Variants in GIPC1 observed in about 807,000 individuals in gnomAD.
GIPC1 encodes the protein PDZ domain-containing protein GIPC1.
In GIPC1, 15 loss-of-function variants were observed where a neutral mutation model predicts 28.5. The ratio of observed to expected loss-of-function variants is 0.53; its 90% CI spans 0.35 to 0.81. GIPC1 has a LOEUF of 0.81. Among genes scored for constraint, GIPC1 ranks in the 30% least tolerant of loss-of-function variants. The pLI, the probability that GIPC1 is intolerant of heterozygous loss-of-function variation, is 0.01. For missense variants in GIPC1, 439 were observed against 481.9 expected, an observed-to-expected ratio of 0.91 and a Z score of 0.83; for synonymous variants, 224 against 206.1, an observed-to-expected ratio of 1.09 and a Z score of -0.74.
chr19:14,478,665 C>G lies in GIPC1; in HGVS notation c.850+19G>C. The G allele has an allele frequency of 6.2e-7, 1 of 1,612,932 alleles. No homozygotes were observed. Among genetic ancestry groups the G allele is most frequent in the Admixed American group, 1.7e-5 (1 of 59,988 alleles). On this transcript the variant is annotated intron_variant, in intron 8 of 8. Coordinates refer to ENST00000393033, the MANE Select transcript of GIPC1 (RefSeq NM_005716.4). The surrounding 1 kb of genome is among the most constrained non-coding windows in gnomAD (Gnocchi z 5.2). ...CCAGCAGACCTAGATGCCCCCTCCC[C>G]CAGGCAGCCCTCACTCACCCAGCTC...
At chr19:14,485,725 A>AGAGAGAGAGAGAGAGAGAGAGG (rs1555721820) in intron 3 of GIPC1, among the ~76,000 whole-genome samples, 43 of 141,192 alleles carry the variant, frequency 3.0e-4, no homozygotes, top group African/African-American at 5.5e-4. Context: ...AGAGAGAGAG[A>AGAGAGAGAGAGAGAGAGAGAGG]GAGAGAGAGA....
intron 3 of GIPC1, among the ~76,000 whole-genome samples, chr19:14,488,295 A>G (rs1203999956): frequency 6.6e-6 from 1 of 152,058 alleles, no homozygotes; most frequent in Non-Finnish European, 1.5e-5. Context: ...TACTAAAAAT[A>G]CAATACACAG....
At chr19:14,483,164 GTAA>G (rs2071769377) in intron 3 of GIPC1, 158 bp from the exon 4 acceptor site, 1 of 590,358 alleles carries the variant, frequency 1.7e-6, no homozygotes, top group Non-Finnish European at 3.0e-6. Flanking sequence ...TTATATAAAA[GTAA>G]TAATAGGGCT....
At chr19:14,484,834 C>CA (rs2071801768) in intron 3 of GIPC1, among the ~76,000 whole-genome samples, 1 of 151,886 alleles carries the variant, frequency 6.6e-6, no homozygotes, top group Non-Finnish European at 1.5e-5. Context: ...CTCCTAGACT[C>CA]AAGCAATCCT....
intron 3 of GIPC1, among the ~76,000 whole-genome samples, chr19:14,486,158 T>G (rs1253981043): frequency 1.3e-5 from 2 of 152,116 alleles, no homozygotes; most frequent in African/African-American, 4.8e-5. Flanking sequence ...GCATGACAGG[T>G]ATGGGCCACC....
intron 3 of GIPC1, among the ~76,000 whole-genome samples, chr19:14,483,831 TTGTG>T (rs1292399969): frequency 6.6e-6 from 1 of 151,530 alleles, no homozygotes; most frequent in Admixed American, 6.6e-5. Flanking sequence ...GTGACCTTCC[TTGTG>T]TGTTTCATTT....
chr19:14,478,567 G>C lies in GIPC1; in HGVS notation c.851C>G (p.Ala284Gly). 1 of 1,613,884 alleles carries C rather than the reference G, an allele frequency of 6.2e-7. No homozygotes were observed. Among genetic ancestry groups the C allele is most frequent in the Non-Finnish European group, 8.5e-7 (1 of 1,179,878 alleles). The stretch of plus-strand genomic sequence containing the variant: ...CTTTCCCAGCTCCACCATGGTGGCC[G>C]CTATTGGGGGAGGGGTCAGAACGGA... ...SYMGIRDTELAATMVELGKDK... is the reference protein window; with the variant it reads ...SYMGIRDTELGATMVELGKDK... Residue 284 changes from alanine to glycine, a missense_variant and splice_region_variant, in exon 9 of 9, where the codon GCG becomes GGG. Coordinates refer to ENST00000393033, the MANE Select transcript of GIPC1 (RefSeq NM_005716.4). This position sits in a 1 kb window ranked among gnomAD's most constrained non-coding sequence, Gnocchi z 5.2.
In GIPC1 at chr19:14,492,895, G is replaced by A. The variant is rs1034777400; in HGVS notation, c.-157C>T. ...GGGGGGCAAGTCACTTCACATCACA[G>A]GGCCTCAGTTTCTTCATCTGAAAAA... On this transcript the variant is annotated 5_prime_UTR_variant, in exon 2 of 9. Transcript: ENST00000393033. 1 of 152,292 alleles carries A rather than the reference G, an allele frequency of 6.6e-6. No individual in the cohort carries two copies. Among genetic ancestry groups the A allele is most frequent in the Non-Finnish European group, 1.5e-5 (1 of 68,090 alleles). The allele number at this position is 152,292 out of a possible 1,614,324, so 9.4% of individuals were successfully genotyped here. A position where few individuals can be genotyped will look rare whatever the true frequency, so the allele number is the denominator to read the frequency against.
intron 3 of GIPC1, among the ~76,000 whole-genome samples, chr19:14,487,802 G>C (rs2071879961): frequency 6.8e-6 from 1 of 146,438 alleles, no homozygotes; most frequent in African/African-American, 2.6e-5. Flanking sequence ...CCAGCCTCTT[G>C]AGTAGCTGGG....
intron 3 of GIPC1, among the ~76,000 whole-genome samples, chr19:14,488,407 C>T (rs1187808): frequency 0.22 from 33,546 of 151,752 alleles, 4,094 homozygotes; most frequent in Middle Eastern, 0.32. Flanking sequence ...GCCGAGATCA[C>T]ACCACTGCAC....
Position 14,480,440 on chromosome 19 carries a change from C to G in GIPC1, c.520G>C (p.Val174Leu). ...SVIDHIHLIS[V>L]GDMIEAINGQ... ...TTAATGGCCTCGATCATGTCGCCCA[C>G]GCTGATGAGGTGGATGTGGTCGATC... Residue 174 changes from valine to leucine, a missense_variant, in exon 6 of 9, where the codon GTG (valine) becomes CTG (leucine). Coordinates refer to ENST00000393033, the MANE Select transcript of GIPC1 (RefSeq NM_005716.4). 6.2e-7 allele frequency: 1 copy of G among 1,613,862 alleles called. No homozygotes were observed. The highest frequency in any genetic ancestry group is 8.5e-7 in the Non-Finnish European group (1 of 1,179,894).
In GIPC1 at chr19:14,480,695, G is replaced by A. The variant is rs772757750; in HGVS notation, c.372C>T (p.Phe124=). Residue 124 remains phenylalanine (F), a synonymous_variant, in exon 5 of 9, where the codon TTC becomes TTT. Coordinates refer to ENST00000393033, the MANE Select transcript of GIPC1 (RefSeq NM_005716.4). ...GGQIGLEDFI[F]AHVKGQRKEV... ...CCTTGCGCTGCCCCTTCACGTGGGC[G>A]AAGATGAAGTCCTCCAGCCCGATCT... 5.0e-6 allele frequency: 8 copies of A among 1,613,976 alleles called. No individual in the cohort carries two copies. The highest frequency in any genetic ancestry group is 2.2e-5 in the East Asian group (1 of 44,890).
At chr19:14,479,124 C>T (rs566768255) in intron 7 of GIPC1, among the ~76,000 whole-genome samples, 1 of 152,308 alleles carries the variant, frequency 6.6e-6, no homozygotes, top group South Asian at 2.1e-4. Flanking sequence ...GAGGCTGGAT[C>T]ACCTGATGTC....
At position 14,482,899 on chromosome 19, in the gene GIPC1, C is replaced by A. The variant is rs189214461; in HGVS notation, c.78G>T (p.Gly26=). 4 of 1,600,210 alleles carry A rather than the reference C, an allele frequency of 2.5e-6. No homozygotes were observed. The African/African-American group carries it at 4.0e-5, about 16-fold the overall frequency. ...ENEEAEPGRG[G]LGVGEPGPLG... ...GAGGCCCTGGCTCCCCCACGCCCAGCCCTCCACGGCCTGGCTCAGCCTCCT... is the reference window on the plus strand; with the variant it reads ...GAGGCCCTGGCTCCCCCACGCCCAGACCTCCACGGCCTGGCTCAGCCTCCT... Residue 26 remains glycine (G), a synonymous_variant, in exon 4 of 9, where the codon GGG becomes GGT. Coordinates refer to ENST00000393033, the MANE Select transcript of GIPC1 (RefSeq NM_005716.4).
At chr19:14,493,996 G>A (rs1432680420) in intron 1 of GIPC1, among the ~76,000 whole-genome samples, 1 of 150,106 alleles carries the variant, frequency 6.7e-6, no homozygotes, top group Admixed American at 6.7e-5. Flanking sequence ...GTCTCGCTCT[G>A]TAGCCCAGGC....
intron 4 of GIPC1, 99 bp from the exon 5 acceptor site, chr19:14,480,877 G>T (rs2071715110): frequency 1.2e-6 from 1 of 856,466 alleles, no homozygotes; most frequent in Non-Finnish European, 1.9e-6. Flanking sequence ...GGACTAGGGG[G>T]ATTCCATCCC....
Position 14,480,632 on chromosome 19 carries a change from G to T in GIPC1, c.435C>A (p.Leu145=). The T allele has an allele frequency of 6.2e-7, 1 of 1,614,208 alleles. No homozygotes were observed. Among genetic ancestry groups the T allele is most frequent in the Non-Finnish European group, 8.5e-7 (1 of 1,180,036 alleles). The change falls in exon 5 of 9, where the codon CTC becomes CTA. Residue 145 remains leucine, a synonymous_variant. Coordinates refer to ENST00000393033, the MANE Select transcript of GIPC1 (RefSeq NM_005716.4). ...EVFKSEDALG[L]TITDNGAGYA... is the part of the protein sequence containing the mutation. ...AGCCAGCCCCGTTGTCCGTGATGGT[G>T]AGCCCGAGTGCATCCTCCGACTTGA...
chr19:14,487,982 CAT>C (rs1257273858), intron 3 of GIPC1, among the ~76,000 whole-genome samples: 1 of 152,100 alleles, frequency 6.6e-6, no homozygotes, highest in Non-Finnish European at 1.5e-5. Context: ...TGCCCAGCCT[CAT>C]ATAATTTTTA....
chr19:14,489,860 G>A (rs35245836), intron 3 of GIPC1, among the ~76,000 whole-genome samples: 6,758 of 144,924 alleles, frequency 0.047, 239 homozygotes, highest in Admixed American at 0.11. Flanking sequence ...TAAAGTGACA[G>A]AATCTTATTA....
Sources: gnomAD v4.1 joint callset for allele counts (sites outside exome capture counted in the v4.1 genomes callset) on GRCh38, gnomAD v4.1.1 for gene constraint, Gnocchi (gnomAD v3.1) non-coding constraint, MANE v1.5 for transcripts, NCBI Gene and HGNC (gene_info 2026-07-23, HGNC 2026-07-21) for gene names.